Variants in IL1RAPL2 observed in about 807,000 individuals in gnomAD.
IL1RAPL2 encodes the protein interleukin 1 receptor accessory protein like 2.
A neutral mutation model predicts 44.1 loss-of-function variants in IL1RAPL2; 3 were observed. The ratio of observed to expected loss-of-function variants is 0.07; its 90% CI spans 0.03 to 0.18. The LOEUF is 0.18. Among genes scored for constraint, IL1RAPL2 ranks in the 10% least tolerant of loss-of-function variants. The probability of loss-of-function intolerance (pLI) is 1.00; values close to 1 mark genes in which losing one functional copy is unlikely to be tolerated. For missense variants in IL1RAPL2, 391 were observed against 496.4 expected (o/e 0.79, Z 2.02); for synonymous variants, 181 against 178.8 (o/e 1.01, Z -0.10).
At chrX:104,911,082 C>T (rs1270660627) in intron 2 of IL1RAPL2, among the ~76,000 whole-genome samples, 1 of 111,589 alleles carries the variant, frequency 9.0e-6, no homozygotes, top group Non-Finnish European at 1.9e-5. Flanking sequence ...TCAACATTAT[C>T]TCAAGAAAAA....
At chrX:104,855,896 C>T (rs1922352986) in intron 2 of IL1RAPL2, among the ~76,000 whole-genome samples, 1 of 108,815 alleles carries the variant, frequency 9.2e-6, no homozygotes. Flanking sequence ...TCTCAAACTC[C>T]TGGGCTCAAG....
chrX:105,757,924 A>G (rs781163332), intron 10 of IL1RAPL2, among the ~76,000 whole-genome samples: 1 of 111,858 alleles, frequency 8.9e-6, no homozygotes, highest in South Asian at 3.7e-4. Flanking sequence ...TCAATGAAGT[A>G]TATGAATAAT....
At chrX:105,338,612 A>G (rs1475245415) in intron 5 of IL1RAPL2, among the ~76,000 whole-genome samples, 2 of 111,736 alleles carry the variant, frequency 1.8e-5, no homozygotes, top group African/African-American at 6.5e-5. Flanking sequence ...GGCTAGTTCT[A>G]TGGTGAGGCC....
intron 5 of IL1RAPL2, among the ~76,000 whole-genome samples, chrX:105,465,258 C>A (rs2036119889): frequency 1.8e-5 from 2 of 111,796 alleles, no homozygotes; most frequent in Admixed American, 1.9e-4. Flanking sequence ...CATTTGCTTC[C>A]TTTTCCATCT....
chrX:105,476,982 A>G lies in IL1RAPL2; in HGVS notation c.698-7331A>G, dbSNP rs148404844. On this transcript the variant is annotated intron_variant, in intron 5 of 10. Transcript: ENST00000372582. ...ACAATGGACTAAAGTCTTTCATTCC[A>G]CATTTAGAGACAATCCTTCAAAAGC... is the stretch of plus-strand genomic sequence containing the variant. Among the ~76,000 whole-genome samples, 205 of 112,214 alleles carry G rather than the reference A, an allele frequency of 1.8e-3. 1 individual carries two copies. Among genetic ancestry groups the G allele is most frequent in the African/African-American group, 6.5e-3 (201 of 30,941 alleles).
intron 6 of IL1RAPL2, among the ~76,000 whole-genome samples, chrX:105,643,904 A>C (rs186098617): frequency 1.8e-5 from 2 of 108,897 alleles, no homozygotes; most frequent in Non-Finnish European, 3.8e-5. Flanking sequence ...TTCTTTCTTT[A>C]TTTTTGAGAC....
rs781806872 is a variant in IL1RAPL2, at chrX:105,180,005, C to A, written c.83-15470C>A. On this transcript the variant is annotated intron_variant, in intron 2 of 10. Coordinates refer to ENST00000372582, the MANE Select transcript of IL1RAPL2 (RefSeq NM_017416.2). ...TTCTTCTCTTGCCTGATTGCTCTGG[C>A]TAGGACGTCCAGTACTATGTTTAAC... 1.0e-4 allele frequency among the ~76,000 whole-genome samples: 11 copies of A among 109,023 alleles called. 1 individual carries two copies. The South Asian group carries it at 4.5e-3, about 44-fold the overall frequency. The allele number at this position is 109,023 out of a possible 115,157, so 94.7% of individuals were successfully genotyped here. A position where few individuals can be genotyped will look rare whatever the true frequency, so the allele number is the denominator to read the frequency against.
At chrX:105,220,550 CT>C in intron 3 of IL1RAPL2, 5 of 515,160 alleles carry the variant, frequency 9.7e-6, no homozygotes, top group East Asian at 7.3e-5. Context: ...TAATGACCCC[CT>C]GACCGGCTTG....
chrX:105,046,767 C>T (rs952019903), intron 2 of IL1RAPL2, among the ~76,000 whole-genome samples: 1 of 106,154 alleles, frequency 9.4e-6, no homozygotes, highest in Non-Finnish European at 1.9e-5. Flanking sequence ...AGACACCATT[C>T]GTTTTTCATT....
chrX:105,072,486 A>T (rs1415060229), intron 2 of IL1RAPL2, among the ~76,000 whole-genome samples: 1 of 111,192 alleles, frequency 9.0e-6, no homozygotes, highest in Non-Finnish European at 1.9e-5. Context: ...AGACAGGAAG[A>T]TGTGGGAAAG....
chrX:104,574,966 A>G (rs963666052), intron 1 of IL1RAPL2, among the ~76,000 whole-genome samples: 17 of 111,964 alleles, frequency 1.5e-4, no homozygotes, highest in Non-Finnish European at 1.9e-5. Flanking sequence ...AGTGAGAATA[A>G]TACAAGCATA....
intron 2 of IL1RAPL2, among the ~76,000 whole-genome samples, chrX:104,768,877 C>A (rs905264754): frequency 9.0e-6 from 1 of 110,956 alleles, no homozygotes; most frequent in Non-Finnish European, 1.9e-5. Flanking sequence ...GCATTCCCAT[C>A]GATCCTCAGG....
At chrX:105,039,567 A>T (rs1477161171) in intron 2 of IL1RAPL2, among the ~76,000 whole-genome samples, 7 of 111,934 alleles carry the variant, frequency 6.3e-5, no homozygotes, top group African/African-American at 2.3e-4. Context: ...TTTTCACTTC[A>T]GAGAACATAC....
At chrX:104,747,116 C>T (rs756469128) in intron 2 of IL1RAPL2, among the ~76,000 whole-genome samples, 22 of 111,112 alleles carry the variant, frequency 2.0e-4, no homozygotes, top group Middle Eastern at 4.6e-3. Flanking sequence ...CTTCTTTTCT[C>T]ATGTCTTTTT....
intron 2 of IL1RAPL2, among the ~76,000 whole-genome samples, chrX:105,115,103 T>A (rs2032840221): frequency 9.0e-6 from 1 of 111,234 alleles, no homozygotes; most frequent in African/African-American, 3.3e-5. Flanking sequence ...GTGTTACAGT[T>A]CTTAAAGGTG....
intron 2 of IL1RAPL2, among the ~76,000 whole-genome samples, chrX:104,854,508 C>T (rs1429281655): frequency 9.0e-6 from 1 of 111,585 alleles, no homozygotes; most frequent in Non-Finnish European, 1.9e-5. Flanking sequence ...AAATGTTCTG[C>T]CTTTTTATGT....
chrX:104,974,061 A>G (rs1311820566), intron 2 of IL1RAPL2, among the ~76,000 whole-genome samples: 2 of 111,849 alleles, frequency 1.8e-5, no homozygotes, highest in Non-Finnish European at 3.8e-5. Context: ...ATATAAAACT[A>G]GGAAGCAAGA....
intron 4 of IL1RAPL2, among the ~76,000 whole-genome samples, chrX:105,234,806 T>TG (rs782702546): frequency 1.5e-5 from 1 of 65,892 alleles, no homozygotes; most frequent in African/African-American, 1.2e-4. Flanking sequence ...AGACTCCATC[T>TG]AAAAAAAAAA....
rs191219184 is a variant in IL1RAPL2 at position 105,498,139 on chromosome X, T to C, written c.772+13752T>C. 5.4e-5 allele frequency among the ~76,000 whole-genome samples: 6 copies of C among 111,971 alleles called. No individual in the cohort carries two copies. In the Admixed American group the frequency reaches 5.7e-4, roughly 11 times the overall value. ...ATCACTGCTCACAAATGGCATAATC[T>C]TGTAGGTAGAAAAACCTACCAATTC... On this transcript the variant is annotated intron_variant, in intron 6 of 10. Coordinates refer to ENST00000372582, the MANE Select transcript of IL1RAPL2 (RefSeq NM_017416.2).
Sources: allele counts gnomAD v4.1 joint callset (sites outside exome capture counted in the v4.1 genomes callset), GRCh38; gene constraint gnomAD v4.1.1; transcripts MANE v1.5; gene names NCBI Gene and HGNC (gene_info 2026-07-23, HGNC 2026-07-21).